PLCH1: variants seen among roughly 807,000 people sequenced by gnomAD.
The protein encoded by PLCH1 is 1-phosphatidylinositol 4,5-bisphosphate phosphodiesterase eta-1.
PLCH1 carries 60 observed loss-of-function variants against 126.7 expected under a neutral mutation model. The ratio of observed to expected loss-of-function variants is 0.47; its 90% CI spans 0.38 to 0.59. The LOEUF (loss-of-function observed/expected upper bound fraction) is 0.59, where lower values mean the gene tolerates loss of function less well. Ranked by LOEUF, PLCH1 falls within the 20% of genes least tolerant of loss-of-function variation. The pLI is 0.00. For missense variants in PLCH1, 1,723 were observed against 2,040.0 expected, an observed-to-expected ratio of 0.84 and a Z score of 2.99; for synonymous variants, 719 against 734.9, an observed-to-expected ratio of 0.98 and a Z score of 0.35.
At position 155,745,026 on chromosome 3, in the gene PLCH1, A is replaced by G. The variant is rs535971290; in HGVS notation, c.-227T>C. 6.6e-6 allele frequency: 1 copy of G among 152,568 alleles called. No individual in the cohort carries two copies. The highest frequency in any genetic ancestry group is 2.4e-5 in the African/African-American group (1 of 41,438). The allele number at this position is 152,568 out of a possible 1,614,324, so 9.5% of individuals were successfully genotyped here. A position where few individuals can be genotyped will look rare whatever the true frequency, so the allele number is the denominator to read the frequency against. ...CACTAGCCAGCAGAAGCCCCAGACG[A>G]GCGGGGAAGAGCAGGGCGCCGCCGC... On this transcript the variant is annotated 5_prime_UTR_variant, in exon 1 of 23. Transcript: ENST00000460012.
chr3:155,551,064 A>G (rs359545), intron 9 of PLCH1, among the ~76,000 whole-genome samples: 113,852 of 152,072 alleles, frequency 0.75, 43,584 homozygotes, highest in Middle Eastern at 0.88. Context: ...AAGCAACAGC[A>G]ACAACAAACT....
rs549035313 is a variant in PLCH1, at chr3:155,590,491, T to C, written c.470+3450A>G. Among the ~76,000 whole-genome samples, 50 of 149,938 alleles carry C rather than the reference T, an allele frequency of 3.3e-4. No individual in the cohort carries two copies. In the South Asian group the frequency reaches 5.7e-3, roughly 17 times the overall value. On this transcript the variant is annotated intron_variant, in intron 4 of 22. Transcript: ENST00000460012. The stretch of plus-strand genomic sequence containing the variant: ...TACTCGGGAGGCTGAGGCAGGAGAA[T>C]GGCGTAAACAGATGAGGTGGAGCTT...
chr3:155,582,412 A>C lies in PLCH1; in HGVS notation c.771+1060T>G, dbSNP rs556913354. Among the ~76,000 whole-genome samples the C allele has an allele frequency of 6.2e-4, 95 of 152,212 alleles. 2 individuals are homozygous for C. The South Asian group carries it at 0.013, about 22-fold the overall frequency. ...GTTGCACAACTCTGTTGATACACTA[A>C]AAAACACTTAAATGTATACTTTAAA... On this transcript the variant is annotated intron_variant, in intron 6 of 22. Coordinates refer to ENST00000460012, the MANE Select transcript of PLCH1 (RefSeq NM_014996.4).
intron 6 of PLCH1, among the ~76,000 whole-genome samples, chr3:155,575,159 A>G (rs1296116525): frequency 1.3e-5 from 2 of 152,076 alleles, no homozygotes; most frequent in Non-Finnish European, 2.9e-5. Flanking sequence ...AAAAAGAAAA[A>G]TGATACAGAA....
intron 10 of PLCH1, among the ~76,000 whole-genome samples, chr3:155,532,821 T>C (rs1722873098): frequency 6.6e-6 from 1 of 152,224 alleles, no homozygotes; most frequent in African/African-American, 2.4e-5. Flanking sequence ...GAAAACTGAC[T>C]AATACAGTAG....
At chr3:155,497,557 C>A in intron 14 of PLCH1, 140 bp from the exon 15 acceptor site, 2 of 631,018 alleles carry the variant, frequency 3.2e-6, no homozygotes, top group East Asian at 2.7e-5. Context: ...AGGATTGGCA[C>A]CCAAGTGTGC....
chr3:155,594,310 C>G, intron 3 of PLCH1, 126 bp from the exon 4 acceptor site: 1 of 866,828 alleles, frequency 1.2e-6, no homozygotes, highest in Non-Finnish European at 1.7e-6. Context: ...GGTGCTCACG[C>G]TTGTAATCCT....
intron 21 of PLCH1, among the ~76,000 whole-genome samples, chr3:155,471,232 A>C (rs1576768052): frequency 6.6e-6 from 1 of 152,208 alleles, no homozygotes; most frequent in South Asian, 2.1e-4. Context: ...ATGGAGGAAG[A>C]CCTACCAAGC....
At chr3:155,502,749 C>T (rs569239679) in intron 13 of PLCH1, among the ~76,000 whole-genome samples, 4 of 152,078 alleles carry the variant, frequency 2.6e-5, no homozygotes, top group African/African-American at 4.8e-5. Context: ...TTTCACAGGT[C>T]GAGCTCTTCC....
chr3:155,684,952 C>T (rs114836315), intron 2 of PLCH1, among the ~76,000 whole-genome samples: 3,844 of 152,192 alleles, frequency 0.025, 61 homozygotes, highest in Middle Eastern at 0.037. Context: ...TTGCATTCTG[C>T]CTAAGACAAC....
intron 2 of PLCH1, chr3:155,676,185 T>G (rs886438976): frequency 7.6e-7 from 1 of 1,323,176 alleles, no homozygotes. Context: ...TGGCTCATGC[T>G]GCCCTTTATG....
rs745524310 is a variant in PLCH1 at position 155,482,196 on chromosome 3, G to T, written c.3830C>A (p.Thr1277Asn). 6 of 1,614,180 alleles carry T rather than the reference G, an allele frequency of 3.7e-6. No individual in the cohort carries two copies. The highest frequency in any genetic ancestry group is 4.2e-6 in the Non-Finnish European group (5 of 1,180,018). ...ACTAGAAAGGTCATCATCTGGTTTG[G>T]TTTTAGAGATGGGAGTGCAGGTAGT... The part of the protein sequence containing the change: ...YETTCTPISK[T>N]KPDDDLSSKA... The change falls in exon 23 of 23, where the codon ACC becomes AAC. Residue 1277 changes from threonine (T) to asparagine (N), a missense_variant. Coordinates refer to ENST00000460012, the MANE Select transcript of PLCH1 (RefSeq NM_014996.4).
intron 12 of PLCH1, among the ~76,000 whole-genome samples, chr3:155,506,516 C>A (rs1454126999): frequency 1.8e-5 from 2 of 111,778 alleles, no homozygotes; most frequent in Non-Finnish European, 3.5e-5. Flanking sequence ...CCCCACCCCA[C>A]CACAGTCCCC....
intron 10 of PLCH1, among the ~76,000 whole-genome samples, chr3:155,532,521 G>A (rs1310345589): frequency 6.6e-6 from 1 of 152,114 alleles, no homozygotes; most frequent in Non-Finnish European, 1.5e-5. Flanking sequence ...AGAAATCTGG[G>A]GGGAGGTGAT....
At chr3:155,676,000 T>C in intron 2 of PLCH1, 1 of 1,520,422 alleles carries the variant, frequency 6.6e-7, no homozygotes, top group Non-Finnish European at 8.9e-7. Flanking sequence ...GTCTTACCTT[T>C]TTCTGGACTT....
chr3:155,735,394 GA>G (rs142078567), intron 1 of PLCH1, among the ~76,000 whole-genome samples: 20,875 of 152,058 alleles, frequency 0.14, 1,709 homozygotes, highest in African/African-American at 0.23. Context: ...AACACTTTGG[GA>G]GGCCAAGGCA....
chr3:155,641,191 C>A (rs924911729), intron 2 of PLCH1, among the ~76,000 whole-genome samples: 7 of 147,424 alleles, frequency 4.7e-5, no homozygotes, highest in Non-Finnish European at 1.0e-4. Context: ...TGATTTTCAA[C>A]GTTAAAAAAA....
At chr3:155,588,786 T>C (rs1029007456) in intron 4 of PLCH1, among the ~76,000 whole-genome samples, 6 of 152,300 alleles carry the variant, frequency 3.9e-5, no homozygotes, top group African/African-American at 1.4e-4. Context: ...TTCTACTGCT[T>C]ACTTGGCCTT....
At chr3:155,503,872 A>T (rs1718272477) in intron 13 of PLCH1, among the ~76,000 whole-genome samples, 1 of 152,222 alleles carries the variant, frequency 6.6e-6, no homozygotes, top group Non-Finnish European at 1.5e-5. Context: ...TAACAATAGA[A>T]CTGCTAAGTC....
Sources: gnomAD v4.1 joint callset for allele counts (sites outside exome capture counted in the v4.1 genomes callset) on GRCh38, gnomAD v4.1.1 for gene constraint, MANE v1.5 for transcripts, NCBI Gene and HGNC (gene_info 2026-07-23, HGNC 2026-07-21) for gene names.